The following SNTG2 variants were observed in gnomAD, a reference collection of about 807,000 sequenced individuals.
SNTG2 encodes gamma-2-syntrophin.
Under a neutral mutation model 70.9 loss-of-function variants are expected in SNTG2, and 74 were observed. That is an observed-to-expected ratio of 1.04 (90% CI 0.86 to 1.27). SNTG2 has a LOEUF of 1.27. SNTG2 is among the 50% of genes most tolerant of loss of function. The pLI, the probability that SNTG2 is intolerant of heterozygous loss-of-function variation, is 0.00. For synonymous variants in SNTG2, 278 were observed against 273.8 expected, an observed-to-expected ratio of 1.02 and a Z score of -0.15; for missense variants, 717 against 690.7, an observed-to-expected ratio of 1.04 and a Z score of -0.43.
intron 16 of SNTG2, among the ~76,000 whole-genome samples, chr2:1,332,004 G>A (rs780455648): frequency 4.6e-5 from 7 of 152,126 alleles, no homozygotes; most frequent in Admixed American, 6.6e-5. Context: ...GTGCCTGCTC[G>A]GCTGCCTCTT....
At chr2:1,214,057 C>A (rs1674216608) in intron 9 of SNTG2, among the ~76,000 whole-genome samples, 1 of 152,106 alleles carries the variant, frequency 6.6e-6, no homozygotes, top group South Asian at 2.1e-4. Flanking sequence ...ATCAATTGAC[C>A]ATAGATCTGT....
At chr2:1,150,124 G>T (rs1016272432) in intron 6 of SNTG2, among the ~76,000 whole-genome samples, 19 of 152,202 alleles carry the variant, frequency 1.2e-4, no homozygotes, top group Non-Finnish European at 1.9e-4. Context: ...GCATTTGAAG[G>T]TTTAGGGAAC....
chr2:1,185,472 GC>G (rs1323808555), intron 8 of SNTG2, among the ~76,000 whole-genome samples: 2 of 152,206 alleles, frequency 1.3e-5, no homozygotes, highest in Admixed American at 1.3e-4. Flanking sequence ...CTTCTCCCCT[GC>G]AGCAGACTTC....
intron 16 of SNTG2, among the ~76,000 whole-genome samples, chr2:1,352,317 G>A (rs1197378057): frequency 6.6e-6 from 1 of 152,084 alleles, no homozygotes; most frequent in African/African-American, 2.4e-5. Context: ...TTTCAAATGG[G>A]ATGCCAGCCC....
At position 1,189,489 on chromosome 2, in the gene SNTG2, G is replaced by T. The variant is rs532432165; in HGVS notation, c.591+16306G>T. Among the ~76,000 whole-genome samples the T allele has an allele frequency of 9.7e-4, 148 of 152,142 alleles. 1 individual carries two copies. Among genetic ancestry groups the T allele is most frequent in the Admixed American group, 2.8e-3 (43 of 15,280 alleles). On this transcript the variant is annotated intron_variant, in intron 8 of 16. Coordinates refer to ENST00000308624, the MANE Select transcript of SNTG2 (RefSeq NM_018968.4). ...TCCAGACCTTTTATTTGAAGATACT[G>T]CAATTAAGACAGCATTCAGGATCAC...
At chr2:1,025,341 G>A (rs185786065) in intron 1 of SNTG2, among the ~76,000 whole-genome samples, 432 of 152,264 alleles carry the variant, frequency 2.8e-3, no homozygotes, top group Non-Finnish European at 4.4e-3. Flanking sequence ...CAGCCACACA[G>A]GGACTTCTGC....
chr2:1,165,439 A>G (rs1215742893), intron 6 of SNTG2, 109 bp from the exon 7 acceptor site: 12 of 1,054,968 alleles, frequency 1.1e-5, no homozygotes, highest in Non-Finnish European at 1.5e-5. Flanking sequence ...AGAGGTAACT[A>G]TGAACTTTGA....
intron 8 of SNTG2, among the ~76,000 whole-genome samples, chr2:1,208,630 C>T (rs574469898): frequency 1.3e-5 from 2 of 152,272 alleles, no homozygotes; most frequent in South Asian, 2.1e-4. Flanking sequence ...CATCTGGGCC[C>T]GGCTCTGACC....
intron 1 of SNTG2, among the ~76,000 whole-genome samples, chr2:985,517 C>G (rs1255778602): frequency 6.6e-6 from 1 of 152,120 alleles, no homozygotes; most frequent in Non-Finnish European, 1.5e-5. Context: ...TCTGCTGGGC[C>G]AGGCAGAGAC....
intron 1 of SNTG2, among the ~76,000 whole-genome samples, chr2:1,003,210 C>T (rs545732272): frequency 6.6e-6 from 1 of 152,148 alleles, no homozygotes; most frequent in Non-Finnish European, 1.5e-5. Context: ...ATCCATGTAA[C>T]AAAACTGCAC....
intron 13 of SNTG2, among the ~76,000 whole-genome samples, chr2:1,265,383 C>G (rs996352077): frequency 1.3e-5 from 2 of 152,230 alleles, no homozygotes; most frequent in Admixed American, 1.3e-4. Flanking sequence ...TCCACACATA[C>G]ACATGTTCAT....
intron 16 of SNTG2, among the ~76,000 whole-genome samples, chr2:1,365,723 G>C (rs4321408): frequency 0.72 from 109,781 of 152,114 alleles, 39,919 homozygotes; most frequent in East Asian, 0.94. Flanking sequence ...GGCTGGTCCA[G>C]CTGGGTCCTG....
intron 9 of SNTG2, among the ~76,000 whole-genome samples, chr2:1,225,028 C>G (rs1450766809): frequency 6.6e-6 from 1 of 152,128 alleles, no homozygotes; most frequent in African/African-American, 2.4e-5. Flanking sequence ...AGAAGAGGCT[C>G]TTTGTTAGTT....
chr2:1,175,636 ATTAAT>A (rs1172175619), intron 8 of SNTG2, among the ~76,000 whole-genome samples: 3 of 152,208 alleles, frequency 2.0e-5, no homozygotes, highest in Non-Finnish European at 2.9e-5. Flanking sequence ...TCTTTTTAAA[ATTAAT>A]TTTACAAGAG....
Position 1,221,753 on chromosome 2 carries a change from G to A in SNTG2, c.719+12523G>A, listed in dbSNP as rs1374812497. Among the ~76,000 whole-genome samples the A allele has an allele frequency of 1.9e-3, 2 of 1,060 alleles. 1 individual carries two copies. The highest frequency in any genetic ancestry group is 3.2e-3 in the Non-Finnish European group (2 of 632). 0.7% of individuals were successfully genotyped at this position (1,060 alleles called of 152,430 possible). A position where few individuals can be genotyped will look rare whatever the true frequency, so the allele number is the denominator to read the frequency against. On this transcript the variant is annotated intron_variant, in intron 9 of 16. Coordinates refer to ENST00000308624, the MANE Select transcript of SNTG2 (RefSeq NM_018968.4). ...TCTCTGTCTCTCTCTGTCTCTGTCT[G>A]TGTCTCTCTCTGTCTCTGCCTCTCT...
chr2:1,319,408 A>T (rs141769976), intron 16 of SNTG2, among the ~76,000 whole-genome samples: 53 of 152,362 alleles, frequency 3.5e-4, no homozygotes, highest in African/African-American at 1.2e-3. Flanking sequence ...CTTAGAAATG[A>T]GTGTAGGGCA....
intron 1 of SNTG2, among the ~76,000 whole-genome samples, chr2:1,011,034 G>A (rs78331167): frequency 0.18 from 27,455 of 152,262 alleles, 2,770 homozygotes; most frequent in Middle Eastern, 0.25. Context: ...TCATGGAAAT[G>A]TTCCATCTCA....
Position 1,121,257 on chromosome 2 carries a change from C to T in SNTG2, c.326-16365C>T, listed in dbSNP as rs931417655. 5.9e-5 allele frequency among the ~76,000 whole-genome samples: 9 copies of T among 152,086 alleles called. No homozygotes were observed. The Middle Eastern group carries it at 0.01, about 172-fold the overall frequency. On this transcript the variant is annotated intron_variant, in intron 4 of 16. Transcript: ENST00000308624. ...CAGAACTTCTGGGATGCCGCAAAAA[C>T]AGTTGTGAGAAGGAAATTGATAGTG...
chr2:1,276,842 T>C (rs1679290055), intron 14 of SNTG2, among the ~76,000 whole-genome samples: 1 of 152,180 alleles, frequency 6.6e-6, no homozygotes, highest in African/African-American at 2.4e-5. Flanking sequence ...TGGGAGGACA[T>C]CAGAGTATCA....
Sources: allele counts gnomAD v4.1 joint callset (sites outside exome capture counted in the v4.1 genomes callset), GRCh38; gene constraint gnomAD v4.1.1; transcripts MANE v1.5; gene names NCBI Gene and HGNC (gene_info 2026-07-23, HGNC 2026-07-21).